CUEDC1: variants seen among roughly 807,000 people sequenced by gnomAD.
CUEDC1 encodes CUE domain-containing protein 1.
A neutral mutation model predicts 43.7 loss-of-function variants in CUEDC1; 30 were observed. That is an observed-to-expected ratio of 0.69 (90% confidence interval 0.51 to 0.93). CUEDC1 has a LOEUF of 0.93. Ranked by LOEUF, CUEDC1 falls within the 40% of genes least tolerant of loss-of-function variation. CUEDC1 has a pLI of 0.00. For missense variants in CUEDC1, 486 were observed against 549.0 expected (o/e 0.89, Z 1.15); for synonymous variants, 223 against 223.6 (o/e 1.00, Z 0.02).
intron 1 of CUEDC1, among the ~76,000 whole-genome samples, chr17:57,915,341 A>G (rs2074628169): frequency 6.6e-6 from 1 of 151,922 alleles, no homozygotes; most frequent in Non-Finnish European, 1.5e-5. Context: ...AGGCACGCTC[A>G]GAGGTCCCCT....
chr17:57,925,133 G>T (rs991349409), intron 1 of CUEDC1, among the ~76,000 whole-genome samples: 1 of 140,404 alleles, frequency 7.1e-6, no homozygotes, highest in African/African-American at 2.6e-5. Context: ...AAAAAAAAAA[G>T]AACAGAGGGA....
chr17:57,879,603 A>T lies in CUEDC1; in HGVS notation c.464+8T>A. 2 of 1,586,436 alleles carry T rather than the reference A, an allele frequency of 1.3e-6. No individual in the cohort carries two copies. Among genetic ancestry groups the T allele is most frequent in the Non-Finnish European group, 1.7e-6 (2 of 1,171,084 alleles). On this transcript the variant is annotated splice_region_variant and intron_variant, in intron 3 of 10. Coordinates refer to ENST00000577830, the MANE Select transcript of CUEDC1 (RefSeq NM_001271875.2). Reference sequence around the variant, plus strand: ...CACCCTGTGCTCTGAGACATGACAGATTCTCACCGGGGAGGCGGAGTCGGG... The same window carrying T: ...CACCCTGTGCTCTGAGACATGACAGTTTCTCACCGGGGAGGCGGAGTCGGG...
intron 1 of CUEDC1, among the ~76,000 whole-genome samples, chr17:57,910,979 G>A (rs569886452): frequency 5.3e-5 from 8 of 152,038 alleles, no homozygotes; most frequent in East Asian, 3.9e-4. Flanking sequence ...TCCTCTTGCC[G>A]TCTCCCTCCC....
intron 1 of CUEDC1, among the ~76,000 whole-genome samples, chr17:57,917,460 C>G (rs2074654305): frequency 6.6e-6 from 1 of 152,212 alleles, no homozygotes; most frequent in Non-Finnish European, 1.5e-5. Flanking sequence ...CTCAACCAGG[C>G]CTTCACTCCA....
intron 3 of CUEDC1, among the ~76,000 whole-genome samples, chr17:57,873,996 CTG>C (rs2074074695): frequency 6.6e-6 from 1 of 152,244 alleles, no homozygotes; most frequent in Non-Finnish European, 1.5e-5. Flanking sequence ...ATGTGGAACT[CTG>C]TGGATTTAGC....
chr17:57,906,756 A>C (rs554542194), intron 1 of CUEDC1, among the ~76,000 whole-genome samples: 1 of 152,190 alleles, frequency 6.6e-6, no homozygotes, highest in African/African-American at 2.4e-5. Context: ...GGATCACCTG[A>C]GATAGGGAGT....
intron 1 of CUEDC1, among the ~76,000 whole-genome samples, chr17:57,925,197 T>C (rs1000583326): frequency 6.6e-6 from 1 of 152,092 alleles, no homozygotes; most frequent in East Asian, 1.9e-4. Flanking sequence ...ATGATCAATT[T>C]TACTGGAAAT....
chr17:57,881,060 G>A (rs2074197775), intron 2 of CUEDC1, among the ~76,000 whole-genome samples: 1 of 152,164 alleles, frequency 6.6e-6, no homozygotes, highest in African/African-American at 2.4e-5. Context: ...TATAAGCCTG[G>A]GCTGGGCCAG....
At chr17:57,895,970 G>A (rs776260871) in intron 1 of CUEDC1, among the ~76,000 whole-genome samples, 1 of 152,230 alleles carries the variant, frequency 6.6e-6, no homozygotes, top group Non-Finnish European at 1.5e-5. Flanking sequence ...GAGTTCTGAG[G>A]TCTGGACAGC....
At chr17:57,941,996 G>C (rs545398427) in intron 1 of CUEDC1, among the ~76,000 whole-genome samples, 1 of 152,150 alleles carries the variant, frequency 6.6e-6, no homozygotes, top group East Asian at 1.9e-4. Flanking sequence ...TTGAGCCTGG[G>C]GGGCAGGGCT....
At position 57,867,410 on chromosome 17, in the gene CUEDC1, C is replaced by A. The variant is rs1448510113; in HGVS notation, c.1040G>T (p.Gly347Val). 4 of 1,552,466 alleles carry A rather than the reference C, an allele frequency of 2.6e-6. No homozygotes were observed. The East Asian group carries it at 9.8e-5, about 38-fold the overall frequency. The change falls in exon 9 of 11, where the codon GGG (glycine) becomes GTG (valine). Residue 347 changes from glycine (G) to valine (V), a missense_variant. Gly to Val is a moderately radical substitution (Grantham distance 109, BLOSUM62 -3). Transcript: ENST00000577830. ...GAGGTTGGCTGTTGACGCGGCAGCC[C>A]CCAGCCTGCCAGGCCATTCAGGAAA... ...RKHLLKHQSL[G>V]AAASTANLLD... is the part of the protein sequence containing the mutation.
intron 1 of CUEDC1, among the ~76,000 whole-genome samples, chr17:57,914,182 G>C (rs17835064): frequency 0.11 from 17,380 of 152,248 alleles, 1,195 homozygotes; most frequent in Non-Finnish European, 0.15. Context: ...ATGTTGATCA[G>C]AAGAAAGGGA....
At chr17:57,938,612 A>G (rs561168757) in intron 1 of CUEDC1, among the ~76,000 whole-genome samples, 47 of 152,272 alleles carry the variant, frequency 3.1e-4, no homozygotes, top group African/African-American at 9.9e-4. Flanking sequence ...CCAGCTAAAC[A>G]TGGACAACAG....
At chr17:57,928,578 A>C (rs1029064320) in intron 1 of CUEDC1, among the ~76,000 whole-genome samples, 1 of 151,366 alleles carries the variant, frequency 6.6e-6, no homozygotes, top group Non-Finnish European at 1.5e-5. Context: ...CCTAGGGCTA[A>C]TAAGGTAACA....
intron 1 of CUEDC1, among the ~76,000 whole-genome samples, chr17:57,926,782 ATCGTTTTTCTT>A (rs1236410770): frequency 1.3e-5 from 2 of 152,220 alleles, no homozygotes; most frequent in Non-Finnish European, 2.9e-5. Context: ...ATATAACCAC[ATCGTTTTTCTT>A]TTCAAACCAC....
chr17:57,918,608 T>C (rs1006961048), intron 1 of CUEDC1, among the ~76,000 whole-genome samples: 6 of 152,190 alleles, frequency 3.9e-5, no homozygotes, highest in Non-Finnish European at 1.5e-5. Context: ...TTAATAAATA[T>C]TTGAATTAAA....
At position 57,868,246 on chromosome 17, in the gene CUEDC1, G is replaced by A; in HGVS notation, c.941-3C>T. ...TTCAAACAGTTTCCTCCGGGTGGCT[G>A]GGGGCAGAGAGACCTGTGAGTCATT... On this transcript the variant is annotated splice_region_variant and splice_polypyrimidine_tract_variant and intron_variant, in intron 7 of 10. Coordinates refer to ENST00000577830, the MANE Select transcript of CUEDC1 (RefSeq NM_001271875.2). 3.1e-6 allele frequency: 5 copies of A among 1,613,718 alleles called. No homozygotes were observed. Among genetic ancestry groups the A allele is most frequent in the Non-Finnish European group, 4.2e-6 (5 of 1,179,592 alleles).
intron 1 of CUEDC1, among the ~76,000 whole-genome samples, chr17:57,902,752 G>A (rs2074486628): frequency 6.6e-6 from 1 of 152,218 alleles, no homozygotes; most frequent in Non-Finnish European, 1.5e-5. Flanking sequence ...CGAACGCTTT[G>A]CATTCAGCCA....
At chr17:57,884,842 T>C (rs2074265170) in intron 2 of CUEDC1, among the ~76,000 whole-genome samples, 1 of 152,176 alleles carries the variant, frequency 6.6e-6, no homozygotes, top group Admixed American at 6.5e-5. Context: ...GGCAGAAATT[T>C]GGTCTGACTT....
Sources: gnomAD v4.1 joint callset for allele counts (sites outside exome capture counted in the v4.1 genomes callset) on GRCh38, gnomAD v4.1.1 for gene constraint, MANE v1.5 for transcripts, NCBI Gene and HGNC (gene_info 2026-07-23, HGNC 2026-07-21) for gene names.